SCAP: variants seen among roughly 807,000 people sequenced by gnomAD.
The protein encoded by SCAP is sterol regulatory element-binding protein cleavage-activating protein.
SCAP carries 65 observed loss-of-function variants against 123.6 expected under a neutral mutation model. The observed-to-expected ratio is 0.53, with a 90% CI of 0.43 to 0.65. The LOEUF is 0.65. Ranked by LOEUF, SCAP falls within the 30% of genes least tolerant of loss-of-function variation. The probability of loss-of-function intolerance (pLI) is 0.00; values close to 1 mark genes in which losing one functional copy is unlikely to be tolerated. For missense variants in SCAP, 1,398 were observed against 1,712.5 expected, an observed-to-expected ratio of 0.82 and a Z score of 3.24; for synonymous variants, 740 against 726.3, an observed-to-expected ratio of 1.02 and a Z score of -0.30.
chr3:47,415,206 G>A (rs371009060), intron 18 of SCAP, 26 bp from the exon 19 acceptor site: 469 of 1,591,478 alleles, frequency 2.9e-4, no homozygotes, highest in Non-Finnish European at 3.9e-4. Context: ...AGCTGCCAGG[G>A]GCCTCTCCCT....
At chr3:47,453,397 G>GGA (rs1553648479) in intron 1 of SCAP, among the ~76,000 whole-genome samples, 4 of 148,834 alleles carry the variant, frequency 2.7e-5, no homozygotes, top group East Asian at 2.0e-4. Flanking sequence ...ATTTTTAATG[G>GGA]AAAAAAAAAA....
intron 18 of SCAP, 41 bp from the exon 19 acceptor site, chr3:47,415,221 G>T: frequency 6.4e-7 from 1 of 1,565,680 alleles, no homozygotes; most frequent in Non-Finnish European, 8.7e-7. Context: ...CTCCCTTAGA[G>T]CCCCAGCCCT....
intron 2 of SCAP, among the ~76,000 whole-genome samples, chr3:47,435,585 A>C (rs1390129644): frequency 6.6e-6 from 1 of 151,160 alleles, no homozygotes; most frequent in Non-Finnish European, 1.5e-5. Flanking sequence ...GGGTTTCATC[A>C]TGTTGACCAG....
intron 1 of SCAP, among the ~76,000 whole-genome samples, chr3:47,446,032 C>T (rs183822995): frequency 7.3e-5 from 11 of 151,562 alleles, no homozygotes; most frequent in South Asian, 4.2e-4. Flanking sequence ...CGCGCCACCA[C>T]GCCCAGCTAA....
chr3:47,447,336 C>T (rs1207144145), intron 1 of SCAP, among the ~76,000 whole-genome samples: 1 of 151,920 alleles, frequency 6.6e-6, no homozygotes, highest in East Asian at 1.9e-4. Context: ...AGAGGTTGAG[C>T]AAGCCAAGAT....
At chr3:47,441,944 G>C (rs1328362733) in intron 2 of SCAP, among the ~76,000 whole-genome samples, 1 of 127,992 alleles carries the variant, frequency 7.8e-6, no homozygotes, top group Non-Finnish European at 1.6e-5. Flanking sequence ...CTGGCCTCAA[G>C]TGATTCTCTC....
chr3:47,459,906 T>C (rs991084637), intron 1 of SCAP, among the ~76,000 whole-genome samples: 1 of 152,132 alleles, frequency 6.6e-6, no homozygotes, highest in Non-Finnish European at 1.5e-5. Flanking sequence ...TCAGTCCTTA[T>C]CTCAACCGCA....
chr3:47,472,267 AC>A (rs2108036036), intron 1 of SCAP, among the ~76,000 whole-genome samples: 1 of 150,244 alleles, frequency 6.7e-6, no homozygotes, highest in East Asian at 2.0e-4. Context: ...CCCCGTCTCT[AC>A]TAAAAATACA....
Position 47,413,732 on chromosome 3 carries a change from ATAT to A in SCAP, c.*119_*121del, listed in dbSNP as rs910286938. 22 of 1,331,538 alleles carry A rather than the reference ATAT, an allele frequency of 1.7e-5. No individual in the cohort carries two copies. In the Admixed American group the frequency reaches 1.8e-4, roughly 11 times the overall value. 82.5% of individuals were successfully genotyped at this position (1,331,538 alleles called of 1,614,324 possible). A position where few individuals can be genotyped will look rare whatever the true frequency, so the allele number is the denominator to read the frequency against. ...TGATATGGTTTTTTAAAAAAGTTTA[ATAT>A]TATTACAGTCAGGAGGCAGCGGCTG... On this transcript the variant is annotated 3_prime_UTR_variant, in exon 23 of 23. Transcript: ENST00000265565.
In SCAP at chr3:47,425,565, G is replaced by A. The variant is rs747845894; in HGVS notation, c.957C>T (p.Ala319=). 1.1e-5 allele frequency: 17 copies of A among 1,614,004 alleles called. No individual in the cohort carries two copies. Among genetic ancestry groups the A allele is most frequent in the Admixed American group, 6.7e-5 (4 of 60,008 alleles). The change falls in exon 8 of 23, where the codon GCC becomes GCT. Residue 319 remains alanine, a synonymous_variant. Coordinates refer to ENST00000265565, the MANE Select transcript of SCAP (RefSeq NM_012235.4). ...VKSKWGLALA[A]VVTVLSSLLM... is the part of the protein sequence containing the mutation. Reference sequence around the variant, plus strand: ...GCAGCGAGCTGAGCACTGTGACCACGGCAGCCAGGGCCAGCCCCCACTTGG... The same window carrying A: ...GCAGCGAGCTGAGCACTGTGACCACAGCAGCCAGGGCCAGCCCCCACTTGG...
At chr3:47,421,118 T>A in intron 10 of SCAP, 89 bp from the exon 11 acceptor site, 2 of 1,009,268 alleles carry the variant, frequency 2.0e-6, no homozygotes, top group Non-Finnish European at 3.2e-6. Flanking sequence ...AGCCACCTCA[T>A]AACCGGCAGG....
intron 6 of SCAP, 107 bp downstream of exon 6, chr3:47,427,050 C>G: frequency 9.1e-6 from 7 of 770,272 alleles, no homozygotes; most frequent in Admixed American, 2.2e-5. Context: ...GGAAACTCTC[C>G]CAAGTTTCCA....
Position 47,426,290 on chromosome 3 carries a change from T to A in SCAP, c.738-121A>T, listed in dbSNP as rs75986930. On this transcript the variant is annotated intron_variant, in intron 6 of 22. Transcript: ENST00000265565. The stretch of plus-strand genomic sequence containing the variant: ...CCTGCCCCTGTGTTGAAAGGGAACT[T>A]CTCTATGGTGCCTGAGCTTCTCTAT... 681 of 982,224 alleles carry A rather than the reference T, an allele frequency of 6.9e-4. 3 individuals are homozygous for A. In the African/African-American group the frequency reaches 1.0e-2, roughly 14 times the overall value. 60.8% of individuals were successfully genotyped at this position (982,224 alleles called of 1,614,324 possible).
intron 1 of SCAP, among the ~76,000 whole-genome samples, chr3:47,460,693 G>A (rs1354657041): frequency 6.6e-6 from 1 of 152,110 alleles, no homozygotes; most frequent in Non-Finnish European, 1.5e-5. Flanking sequence ...AAGTAGCTGG[G>A]ATTACAGGTG....
intron 3 of SCAP, among the ~76,000 whole-genome samples, chr3:47,430,885 G>A (rs1200378980): frequency 6.6e-6 from 1 of 152,190 alleles, no homozygotes; most frequent in Non-Finnish European, 1.5e-5. Context: ...GGAGGCCATG[G>A]AGCCACTCAC....
At chr3:47,440,833 C>T (rs951600980) in intron 2 of SCAP, among the ~76,000 whole-genome samples, 1 of 152,050 alleles carries the variant, frequency 6.6e-6, no homozygotes, top group East Asian at 1.9e-4. Flanking sequence ...GCACTCCAGC[C>T]TGAGCAACGG....
intron 1 of SCAP, among the ~76,000 whole-genome samples, chr3:47,473,095 A>AAAAAAAAAC (rs1559576259): frequency 2.1e-5 from 3 of 146,290 alleles, no homozygotes; most frequent in African/African-American, 5.0e-5. Flanking sequence ...AAAAAAAAAA[A>AAAAAAAAAC]AAAACAGACT....
chr3:47,441,874 C>CTTTTTTTTTTTTT (rs1160447716), intron 2 of SCAP, among the ~76,000 whole-genome samples: 5 of 76,408 alleles, frequency 6.5e-5, no homozygotes, highest in African/African-American at 1.6e-4. Context: ...GTTCATCTTT[C>CTTTTTTTTTTTTT]TTTTTTTTTT....
At chr3:47,449,667 C>A (rs1707173985) in intron 1 of SCAP, among the ~76,000 whole-genome samples, 1 of 124,910 alleles carries the variant, frequency 8.0e-6, no homozygotes, top group Non-Finnish European at 1.8e-5. Context: ...TCTGTTAGAC[C>A]TCTTTCTGTG....
Sources: gnomAD v4.1 joint callset for allele counts (sites outside exome capture counted in the v4.1 genomes callset) on GRCh38, gnomAD v4.1.1 for gene constraint, MANE v1.5 for transcripts, NCBI Gene and HGNC (gene_info 2026-07-23, HGNC 2026-07-21) for gene names.